PROM1: variants seen among roughly 807,000 people sequenced by gnomAD.
The protein encoded by PROM1 is prominin-1.
Under a neutral mutation model 116.9 loss-of-function variants are expected in PROM1, and 105 were observed. The observed-to-expected ratio is 0.90, with a 90% CI of 0.77 to 1.06. PROM1 has a LOEUF of 1.06. Ranked by LOEUF, PROM1 falls within the 50% of genes least tolerant of loss-of-function variation. The probability of loss-of-function intolerance (pLI) is 0.00; values close to 1 mark genes in which losing one functional copy is unlikely to be tolerated. For missense variants in PROM1, 1,122 were observed against 1,045.2 expected, an observed-to-expected ratio of 1.07 and a Z score of -1.01; for synonymous variants, 393 against 387.0, an observed-to-expected ratio of 1.02 and a Z score of -0.18.
At chr4:16,032,743 G>A (rs1174473445) in intron 5 of PROM1, among the ~76,000 whole-genome samples, 1 of 152,218 alleles carries the variant, frequency 6.6e-6, no homozygotes, top group Admixed American at 6.5e-5. Flanking sequence ...AGCAGACACT[G>A]CAGCAGAAAT....
intron 12 of PROM1, among the ~76,000 whole-genome samples, chr4:16,008,256 C>G (rs10488965): frequency 0.15 from 22,242 of 152,134 alleles, 1,804 homozygotes; most frequent in African/African-American, 0.21. Context: ...ATACATGATC[C>G]TCTAAATTTC....
chr4:16,023,189 C>A, intron 8 of PROM1, 137 bp downstream of exon 8: 1 of 728,464 alleles, frequency 1.4e-6, no homozygotes. Context: ...AGTGTCTTGA[C>A]CTGAACTGTC....
In PROM1 at chr4:16,038,967, T is replaced by C; in HGVS notation, c.255A>G (p.Glu85=). 6.7e-7 allele frequency: 1 copy of C among 1,502,530 alleles called. No individual in the cohort carries two copies. Among genetic ancestry groups the C allele is most frequent in the Non-Finnish European group, 8.9e-7 (1 of 1,124,326 alleles). 93.1% of individuals were successfully genotyped at this position (1,502,530 alleles called of 1,614,324 possible). The stretch of plus-strand genomic sequence containing the variant: ...TTACCTTGTCATAATCAATTTTGGA[T>C]TCATATGCCTTCTGTAAGAATTTTC... The part of the protein sequence containing the change: ...TLRKFLQKAY[E]SKIDYDKPET... The change falls in exon 3 of 28, where the codon GAA becomes GAG. Residue 85 remains glutamate (E), a synonymous_variant. Transcript: ENST00000447510.
chr4:16,065,570 G>C (rs1235994777), intron 2 of PROM1, among the ~76,000 whole-genome samples: 1 of 152,172 alleles, frequency 6.6e-6, no homozygotes, highest in Non-Finnish European at 1.5e-5. Context: ...TTGAGAGCAA[G>C]GGAACCCAGT....
chr4:16,048,891 T>G (rs769136778), intron 2 of PROM1, among the ~76,000 whole-genome samples: 33 of 152,186 alleles, frequency 2.2e-4, no homozygotes, highest in Non-Finnish European at 4.4e-4. Flanking sequence ...AGCCCGTAAC[T>G]GGGAAGATTA....
intron 25 of PROM1, 43 bp downstream of exon 25, chr4:15,979,838 C>T (rs774173459): frequency 8.7e-5 from 124 of 1,421,804 alleles, no homozygotes; most frequent in Non-Finnish European, 1.2e-4. Flanking sequence ...ATATCAACCT[C>T]CCCCATCCCA....
At chr4:16,066,936 G>A (rs967605271) in intron 2 of PROM1, among the ~76,000 whole-genome samples, 1 of 152,186 alleles carries the variant, frequency 6.6e-6, no homozygotes, top group Non-Finnish European at 1.5e-5. Context: ...GGGCAAGATA[G>A]GACCCTATTT....
In PROM1 at chr4:16,023,398, C is replaced by T; in HGVS notation, c.712G>A (p.Gly238Arg). Reference sequence around the variant, plus strand: ...CTCAGTCGGTCAAGAATTCCGCCTCCTAGCACTGAATTGATACCTACATGC... The same window carrying T: ...CTCAGTCGGTCAAGAATTCCGCCTCTTAGCACTGAATTGATACCTACATGC... ...TDLNSINSVL[G>R]GGILDRLRPN... The change falls in exon 8 of 28, where the codon GGA (glycine) becomes AGA (arginine). Residue 238 changes from glycine (G) to arginine (R), a missense_variant. Gly to Arg is a moderately radical substitution (Grantham distance 125). Coordinates refer to ENST00000447510, the MANE Select transcript of PROM1 (RefSeq NM_006017.3). 6.2e-7 allele frequency: 1 copy of T among 1,602,824 alleles called. No homozygotes were observed. Among genetic ancestry groups the T allele is most frequent in the Non-Finnish European group, 8.5e-7 (1 of 1,173,776 alleles).
In PROM1 at chr4:15,980,241, G is replaced by C. The variant is rs375999640; in HGVS notation, c.2489+181C>G. The stretch of plus-strand genomic sequence containing the variant: ...AAGAGGAAAAAAGTAGTTAAAACAA[G>C]TATAGAAAAATCAGTACCAAGAAAA... On this transcript the variant is annotated intron_variant, in intron 24 of 27. Transcript: ENST00000447510. 9.8e-6 allele frequency: 6 copies of C among 612,220 alleles called. No homozygotes were observed. The African/African-American group carries it at 1.1e-4, about 11-fold the overall frequency. The allele number at this position is 612,220 out of a possible 1,614,324, so 37.9% of individuals were successfully genotyped here. A position where few individuals can be genotyped will look rare whatever the true frequency, so the allele number is the denominator to read the frequency against.
At chr4:16,010,553 G>C (rs918840084) in intron 11 of PROM1, among the ~76,000 whole-genome samples, 1 of 152,194 alleles carries the variant, frequency 6.6e-6, no homozygotes, top group African/African-American at 2.4e-5. Flanking sequence ...GCCCAGGCTG[G>C]AGTGCAGTGG....
chr4:16,047,879 C>T lies in PROM1; in HGVS notation c.221-8878G>A, dbSNP rs1281770779. ...GCCCAGTGAGCACAAGGGCAAGAGGCCACACATAGTCTCTGAGGACAAGGA... is the reference window on the plus strand; with the variant it reads ...GCCCAGTGAGCACAAGGGCAAGAGGTCACACATAGTCTCTGAGGACAAGGA... On this transcript the variant is annotated intron_variant, in intron 2 of 27. Coordinates refer to ENST00000447510, the MANE Select transcript of PROM1 (RefSeq NM_006017.3). 2.6e-5 allele frequency among the ~76,000 whole-genome samples: 4 copies of T among 152,218 alleles called. No homozygotes were observed. The East Asian group carries it at 5.8e-4, about 22-fold the overall frequency.
At chr4:15,969,821 C>T (rs1205565034) in intron 27 of PROM1, among the ~76,000 whole-genome samples, 1 of 152,034 alleles carries the variant, frequency 6.6e-6, no homozygotes, top group Non-Finnish European at 1.5e-5. Flanking sequence ...AAGTGATCTG[C>T]CCACCTCAGC....
At chr4:15,991,934 CAAAAAAAAAAAAAAA>C (rs56221717) in intron 17 of PROM1, among the ~76,000 whole-genome samples, 1 of 55,322 alleles carries the variant, frequency 1.8e-5, no homozygotes, top group African/African-American at 7.7e-5. Flanking sequence ...GACTCCGTCT[CAAAAAAAAAAAAAAA>C]AAAAAAAAAA....
At chr4:15,994,195 G>A in intron 15 of PROM1, 124 bp from the exon 16 acceptor site, 1 of 1,504,294 alleles carries the variant, frequency 6.6e-7, no homozygotes, top group Non-Finnish European at 8.9e-7. Context: ...CAGAAGTGGG[G>A]CTGCATGTCC....
intron 2 of PROM1, among the ~76,000 whole-genome samples, chr4:16,066,794 C>A (rs1309858927): frequency 6.6e-6 from 1 of 152,240 alleles, no homozygotes; most frequent in Non-Finnish European, 1.5e-5. Context: ...TTAATCTCCC[C>A]TTTCCTGCAT....
intron 16 of PROM1, 53 bp downstream of exon 16, chr4:15,993,934 C>G: frequency 1.3e-6 from 2 of 1,567,130 alleles, no homozygotes; most frequent in Non-Finnish European, 1.7e-6. Context: ...AGAAAGACAC[C>G]TAGATTTGGT....
At chr4:16,055,563 G>T in intron 2 of PROM1, 1 of 363,560 alleles carries the variant, frequency 2.8e-6, no homozygotes, top group Non-Finnish European at 5.5e-6. Flanking sequence ...AACAGCCTAG[G>T]GAAAGGGTTT....
intron 2 of PROM1, among the ~76,000 whole-genome samples, chr4:16,056,769 C>T (rs1463536156): frequency 1.3e-5 from 2 of 152,114 alleles, no homozygotes; most frequent in African/African-American, 4.8e-5. Context: ...TGGCATGTTC[C>T]AGGGAGTCGG....
Position 15,981,331 on chromosome 4 carries a change from G to A in PROM1, c.2374-794C>T, listed in dbSNP as rs555772070. Among the ~76,000 whole-genome samples, 3 of 151,306 alleles carry A rather than the reference G, an allele frequency of 2.0e-5. No homozygotes were observed. In the South Asian group the frequency reaches 6.3e-4, roughly 32 times the overall value. On this transcript the variant is annotated intron_variant, in intron 23 of 27. Coordinates refer to ENST00000447510, the MANE Select transcript of PROM1 (RefSeq NM_006017.3). Reference sequence around the variant, plus strand: ...CATTCCTGTAATCTCAGCACTTTGGGAGGCCGAGGCAGGCGGATCACGAGG... The same window carrying A: ...CATTCCTGTAATCTCAGCACTTTGGAAGGCCGAGGCAGGCGGATCACGAGG...
Sources: allele counts gnomAD v4.1 joint callset (sites outside exome capture counted in the v4.1 genomes callset), GRCh38; gene constraint gnomAD v4.1.1; transcripts MANE v1.5; gene names NCBI Gene and HGNC (gene_info 2026-07-23, HGNC 2026-07-21).